KCNIP4: variants seen among roughly 807,000 people sequenced by gnomAD.
KCNIP4 encodes the protein potassium voltage-gated channel interacting protein 4.
Under a neutral mutation model 34.0 loss-of-function variants are expected in KCNIP4, and 12 were observed. The observed-to-expected ratio is 0.35, with a 90% CI of 0.23 to 0.57. The LOEUF (loss-of-function observed/expected upper bound fraction) is 0.57, where lower values mean the gene tolerates loss of function less well. Ranked by LOEUF, KCNIP4 falls within the 20% of genes least tolerant of loss-of-function variation. The probability of loss-of-function intolerance (pLI) is 0.83; values close to 1 mark genes in which losing one functional copy is unlikely to be tolerated. For missense variants in KCNIP4, 238 were observed against 311.7 expected (o/e 0.76, Z 1.78); for synonymous variants, 124 against 102.2 (o/e 1.21, Z -1.29).
chr4:21,498,786 C>A (rs1733061323), intron 1 of KCNIP4, among the ~76,000 whole-genome samples: 1 of 152,088 alleles, frequency 6.6e-6, no homozygotes, highest in African/African-American at 2.4e-5. Context: ...AACAACTGTG[C>A]AGATGAGAAA....
intron 1 of KCNIP4, among the ~76,000 whole-genome samples, chr4:21,001,083 G>A (rs1251998976): frequency 6.6e-6 from 1 of 152,160 alleles, no homozygotes; most frequent in Non-Finnish European, 1.5e-5. Context: ...TCCCAGCACT[G>A]AGAACAGATT....
At chr4:21,208,008 A>C (rs1365605295) in intron 1 of KCNIP4, among the ~76,000 whole-genome samples, 1 of 151,284 alleles carries the variant, frequency 6.6e-6, no homozygotes, top group African/African-American at 2.4e-5. Context: ...AGGCCCACAT[A>C]ATTTTTGTAT....
rs114328669 is a variant in KCNIP4, at chr4:21,679,773, G to A, written c.61+268798C>T. ...CAAATTTCTTGGCTTCCCAGTGCAC[G>A]TAAAAGTTTTGTTTACACTGTACTG... is the stretch of plus-strand genomic sequence containing the variant. On this transcript the variant is annotated intron_variant, in intron 1 of 8. Transcript: ENST00000382152. Among the ~76,000 whole-genome samples, 955 of 152,284 alleles carry A rather than the reference G, an allele frequency of 6.3e-3. 14 individuals are homozygous for A. Among genetic ancestry groups the A allele is most frequent in the African/African-American group, 0.021 (892 of 41,562 alleles).
At chr4:21,275,698 C>T (rs1448270886) in intron 1 of KCNIP4, among the ~76,000 whole-genome samples, 1 of 152,154 alleles carries the variant, frequency 6.6e-6, no homozygotes, top group Non-Finnish European at 1.5e-5. Context: ...GTTCTCTTTG[C>T]TATTTTCACC....
intron 1 of KCNIP4, among the ~76,000 whole-genome samples, chr4:21,404,129 G>C (rs1723773761): frequency 6.6e-6 from 1 of 152,084 alleles, no homozygotes; most frequent in Admixed American, 6.5e-5. Context: ...CTCTGCCTGG[G>C]GGGGCTCTCC....
In KCNIP4 at chr4:21,151,034, T is replaced by G. The variant is rs1752714827; in HGVS notation, c.62-268325A>C. On this transcript the variant is annotated intron_variant, in intron 1 of 8. Coordinates refer to ENST00000382152, the MANE Select transcript of KCNIP4 (RefSeq NM_025221.6). ...ACTTGCTAGAAGGGAAAAAGAGCCT[T>G]TCTATAATATTAGAAGATTTATTTA... 2.0e-5 allele frequency among the ~76,000 whole-genome samples: 3 copies of G among 152,348 alleles called. No homozygotes were observed. In the South Asian group the frequency reaches 6.2e-4, roughly 32 times the overall value.
intron 1 of KCNIP4, among the ~76,000 whole-genome samples, chr4:21,574,331 T>C (rs1437346954): frequency 6.6e-6 from 1 of 152,036 alleles, no homozygotes; most frequent in African/African-American, 2.4e-5. Context: ...GTTTTTCTTT[T>C]CAGTTTGTTT....
chr4:21,784,362 A>G (rs1719764194), intron 1 of KCNIP4, among the ~76,000 whole-genome samples: 1 of 152,182 alleles, frequency 6.6e-6, no homozygotes, highest in East Asian at 1.9e-4. Context: ...CAGCAACTTA[A>G]AAACCTCTCA....
At position 21,070,663 on chromosome 4, in the gene KCNIP4, A is replaced by ATTTTTTTTT. The variant is rs1203011253; in HGVS notation, c.62-187963_62-187955dup. Among the ~76,000 whole-genome samples, 9 of 49,616 alleles carry ATTTTTTTTT rather than the reference A, an allele frequency of 1.8e-4. 3 individuals carry two copies. Among genetic ancestry groups the ATTTTTTTTT allele is most frequent in the Non-Finnish European group, 2.6e-4 (7 of 26,796 alleles). 32.6% of individuals were successfully genotyped at this position (49,616 alleles called of 152,430 possible). A position where few individuals can be genotyped will look rare whatever the true frequency, so the allele number is the denominator to read the frequency against. On this transcript the variant is annotated intron_variant, in intron 1 of 8. Transcript: ENST00000382152. Reference sequence around the variant, plus strand: ...TCTGTTTTTACTGTTGAGTTTTGAGATTTTTTTTTTTTTTTTTTTTTTTTT... The same window carrying ATTTTTTTTT: ...TCTGTTTTTACTGTTGAGTTTTGAGATTTTTTTTTTTTTTTTTTTTTTTTTTTTTTTTTT...
At chr4:21,124,379 G>A (rs991333162) in intron 1 of KCNIP4, among the ~76,000 whole-genome samples, 3 of 152,152 alleles carry the variant, frequency 2.0e-5, no homozygotes, top group African/African-American at 7.2e-5. Flanking sequence ...TGGGAAAAGT[G>A]CCTCTCTGCT....
intron 1 of KCNIP4, among the ~76,000 whole-genome samples, chr4:21,518,046 AG>A (rs1337961005): frequency 6.6e-6 from 1 of 152,180 alleles, no homozygotes; most frequent in East Asian, 1.9e-4. Context: ...TCATACTGCT[AG>A]TAAGAATTGA....
chr4:21,652,696 C>T (rs1399444849), intron 1 of KCNIP4, among the ~76,000 whole-genome samples: 1 of 152,156 alleles, frequency 6.6e-6, no homozygotes, highest in African/African-American at 2.4e-5. Context: ...GTTTTAACTG[C>T]TGCAACAGTG....
chr4:21,638,677 T>C (rs1746398909), intron 1 of KCNIP4, among the ~76,000 whole-genome samples: 1 of 152,154 alleles, frequency 6.6e-6, no homozygotes, highest in Non-Finnish European at 1.5e-5. Context: ...GTATTTGAGG[T>C]TTTGACAGCC....
intron 1 of KCNIP4, among the ~76,000 whole-genome samples, chr4:21,729,243 T>C (rs1335581171): frequency 2.0e-5 from 3 of 152,160 alleles, no homozygotes; most frequent in South Asian, 2.1e-4. Context: ...CTTAGTCACT[T>C]TCCACCAACA....
At chr4:21,105,191 TG>T (rs1408840822) in intron 1 of KCNIP4, among the ~76,000 whole-genome samples, 1 of 151,636 alleles carries the variant, frequency 6.6e-6, no homozygotes, top group Non-Finnish European at 1.5e-5. Context: ...TTGGGCAGTA[TG>T]GCCATTTTCA....
chr4:21,094,005 C>T (rs752038479), intron 1 of KCNIP4, among the ~76,000 whole-genome samples: 22 of 151,942 alleles, frequency 1.4e-4, no homozygotes, highest in Non-Finnish European at 3.1e-4. Context: ...TGGGGTGAAC[C>T]CGGGAGGCAG....
chr4:21,386,499 CCT>C (rs1022326496), intron 1 of KCNIP4, among the ~76,000 whole-genome samples: 1 of 152,128 alleles, frequency 6.6e-6, no homozygotes, highest in Non-Finnish European at 1.5e-5. Context: ...CATAATTTCC[CCT>C]GTTGTGATAC....
At chr4:21,693,667 GA>G (rs2109048636) in intron 1 of KCNIP4, among the ~76,000 whole-genome samples, 1 of 152,296 alleles carries the variant, frequency 6.6e-6, no homozygotes, top group Non-Finnish European at 1.5e-5. Flanking sequence ...ACCACTCAAA[GA>G]AAACTTGTGA....
At chr4:20,863,021 T>C (rs887332661) in intron 2 of KCNIP4, among the ~76,000 whole-genome samples, 8 of 152,142 alleles carry the variant, frequency 5.3e-5, no homozygotes, top group African/African-American at 1.7e-4. Flanking sequence ...TAATCAGTAC[T>C]AGGCTTAATG....
Sources: gnomAD v4.1 joint callset for allele counts (sites outside exome capture counted in the v4.1 genomes callset) on GRCh38, gnomAD v4.1.1 for gene constraint, MANE v1.5 for transcripts, NCBI Gene and HGNC (gene_info 2026-07-23, HGNC 2026-07-21) for gene names.